FAM193A: variants seen among roughly 807,000 people sequenced by gnomAD.
FAM193A encodes protein FAM193A.
Under a neutral mutation model 126.5 loss-of-function variants are expected in FAM193A, and 22 were observed. The ratio of observed to expected loss-of-function variants is 0.17; its 90% CI spans 0.12 to 0.25. The LOEUF (loss-of-function observed/expected upper bound fraction) is 0.25, where lower values mean the gene tolerates loss of function less well. Ranked by LOEUF, FAM193A falls within the 10% of genes least tolerant of loss-of-function variation. The pLI is 1.00. For synonymous variants in FAM193A, 761 were observed against 646.8 expected, an observed-to-expected ratio of 1.18 and a Z score of -2.68; for missense variants, 1,675 against 1,672.8, an observed-to-expected ratio of 1.00 and a Z score of -0.02.
chr4:2,587,388 C>T (rs1180930124), intron 1 of FAM193A, among the ~76,000 whole-genome samples: 2 of 152,194 alleles, frequency 1.3e-5, no homozygotes, highest in Admixed American at 1.3e-4. Context: ...GACCCATGCA[C>T]TTCCCATTAG....
chr4:2,677,675 A>G (rs35689959), intron 13 of FAM193A, among the ~76,000 whole-genome samples: 14,771 of 150,504 alleles, frequency 0.098, 954 homozygotes, highest in African/African-American at 0.19. Flanking sequence ...CGGGAGGCGG[A>G]GATTGCAGTG....
intron 12 of FAM193A, among the ~76,000 whole-genome samples, chr4:2,670,922 C>T (rs17164080): frequency 0.069 from 10,544 of 152,168 alleles, 634 homozygotes; most frequent in African/African-American, 0.16. Context: ...GCTTCAGTTG[C>T]AGGACCTGTA....
chr4:2,623,146 T>A (rs1458293774), intron 2 of FAM193A, among the ~76,000 whole-genome samples: 1 of 151,736 alleles, frequency 6.6e-6, no homozygotes, highest in Non-Finnish European at 1.5e-5. Context: ...CCCTCCTGTG[T>A]GCTGGCGGCA....
At chr4:2,568,851 GTTCTT>G (rs1389891900) in intron 1 of FAM193A, among the ~76,000 whole-genome samples, 1 of 151,786 alleles carries the variant, frequency 6.6e-6, no homozygotes, top group Admixed American at 6.6e-5. Context: ...TGTTAAGATT[GTTCTT>G]TTCCTTTTCC....
At chr4:2,600,694 C>G (rs543442094) in intron 2 of FAM193A, among the ~76,000 whole-genome samples, 1 of 152,054 alleles carries the variant, frequency 6.6e-6, no homozygotes, top group Non-Finnish European at 1.5e-5. Flanking sequence ...CTTTCCTCTC[C>G]AAGGCCCACC....
At chr4:2,715,337 C>T (rs1352378669) in intron 19 of FAM193A, 2 of 168,644 alleles carry the variant, frequency 1.2e-5, no homozygotes, top group Non-Finnish European at 1.2e-5. Flanking sequence ...GTGGTGTGCA[C>T]GTTTGATCCC....
Position 2,577,422 on chromosome 4 carries a change from G to GTTT in FAM193A, c.256-18650_256-18648dup, listed in dbSNP as rs986931980. ...ACTCAATTAAAGTGGTTTTTTTTTT[G>GTTT]TTTTTTTTTTTTTTGAGACAGAGTC... is the stretch of plus-strand genomic sequence containing the variant. On this transcript the variant is annotated intron_variant, in intron 1 of 20. Coordinates refer to ENST00000637812, the MANE Select transcript of FAM193A (RefSeq NM_001366318.2). Among the ~76,000 whole-genome samples the GTTT allele has an allele frequency of 1.4e-4, 16 of 115,566 alleles. 1 individual carries two copies. The highest frequency in any genetic ancestry group is 5.1e-4 in the East Asian group (2 of 3,892). 75.8% of individuals were successfully genotyped at this position (115,566 alleles called of 152,430 possible).
At position 2,596,368 on chromosome 4, in the gene FAM193A, T is replaced by TC. The variant is rs1439076753; in HGVS notation, c.501+45dup. ...AGCACAGGCAGCGCAGGGCGTTGGC[T>TC]CCCCCCGCCCAGGTTATGGGGTAAC... On this transcript the variant is annotated intron_variant, in intron 2 of 20. Coordinates refer to ENST00000637812, the MANE Select transcript of FAM193A (RefSeq NM_001366318.2). 5.8e-6 allele frequency: 4 copies of TC among 690,542 alleles called. No homozygotes were observed. In the East Asian group the frequency reaches 8.1e-5, roughly 14 times the overall value. The allele number at this position is 690,542 out of a possible 1,614,324, so 42.8% of individuals were successfully genotyped here. A position where few individuals can be genotyped will look rare whatever the true frequency, so the allele number is the denominator to read the frequency against.
At chr4:2,624,116 T>C (rs1560490341) in intron 2 of FAM193A, among the ~76,000 whole-genome samples, 1 of 151,674 alleles carries the variant, frequency 6.6e-6, no homozygotes, top group Non-Finnish European at 1.5e-5. Flanking sequence ...TTGTGTTCTC[T>C]AGTTGTTGTT....
At position 2,539,004 on chromosome 4, in the gene FAM193A, C is replaced by T. The variant is rs1334867519; in HGVS notation, c.255+1834C>T. Among the ~76,000 whole-genome samples, 8 of 152,184 alleles carry T rather than the reference C, an allele frequency of 5.3e-5. No homozygotes were observed. In the East Asian group the frequency reaches 1.5e-3, roughly 29 times the overall value. Reference sequence around the variant, plus strand: ...CTCCCGGGTTCAAGCGATTCTCCTGCCTAACCCTCTCAAGTAGCTGGGACT... The same window carrying T: ...CTCCCGGGTTCAAGCGATTCTCCTGTCTAACCCTCTCAAGTAGCTGGGACT... On this transcript the variant is annotated intron_variant, in intron 1 of 20. Transcript: ENST00000637812.
intron 19 of FAM193A, among the ~76,000 whole-genome samples, chr4:2,705,699 C>G (rs930730128): frequency 6.6e-6 from 1 of 151,984 alleles, no homozygotes; most frequent in African/African-American, 2.4e-5. Flanking sequence ...AAGTGATTCT[C>G]CCGCCTCAGC....
Position 2,582,418 on chromosome 4 carries a change from A to G in FAM193A, c.256-13666A>G, listed in dbSNP as rs1739997314. ...AACAAGTGCTGGGATTACAGGCACGAGCCCCATCGTACTTGGTCAGTGTTT... is the reference window on the plus strand; with the variant it reads ...AACAAGTGCTGGGATTACAGGCACGGGCCCCATCGTACTTGGTCAGTGTTT... On this transcript the variant is annotated intron_variant, in intron 1 of 20. Coordinates refer to ENST00000637812, the MANE Select transcript of FAM193A (RefSeq NM_001366318.2). Among the ~76,000 whole-genome samples, 5 of 152,180 alleles carry G rather than the reference A, an allele frequency of 3.3e-5. No homozygotes were observed. In the South Asian group the frequency reaches 1.0e-3, roughly 32 times the overall value.
intron 19 of FAM193A, among the ~76,000 whole-genome samples, chr4:2,701,778 A>ATT (rs747065399): frequency 3.6e-4 from 52 of 142,772 alleles, no homozygotes; most frequent in African/African-American, 1.0e-3. Context: ...TCATATGGTG[A>ATT]TTTTTTTTTT....
At chr4:2,596,474 C>G (rs942525680) in intron 2 of FAM193A, 145 bp downstream of exon 2, 1 of 607,088 alleles carries the variant, frequency 1.6e-6, no homozygotes, top group Non-Finnish European at 2.9e-6. Flanking sequence ...TCTCCTGGTA[C>G]GTTCCTCCTG....
At chr4:2,551,166 G>A (rs1230838619) in intron 1 of FAM193A, among the ~76,000 whole-genome samples, 1 of 152,108 alleles carries the variant, frequency 6.6e-6, no homozygotes, top group South Asian at 2.1e-4. Flanking sequence ...TTTTCATGAG[G>A]GATGTTTGTC....
intron 4 of FAM193A, 147 bp from the exon 5 acceptor site, chr4:2,630,788 G>T: frequency 1.7e-6 from 1 of 589,730 alleles, no homozygotes; most frequent in Non-Finnish European, 3.0e-6. Context: ...GGGTGATTGT[G>T]CTTCTCACAG....
intron 6 of FAM193A, among the ~76,000 whole-genome samples, chr4:2,643,476 A>G (rs1744840205): frequency 6.6e-6 from 1 of 152,212 alleles, no homozygotes; most frequent in Non-Finnish European, 1.5e-5. Context: ...AACATTAATT[A>G]TATTCATAGT....
chr4:2,639,583 C>CA, intron 5 of FAM193A, 152 bp from the exon 6 acceptor site: 1 of 507,944 alleles, frequency 2.0e-6, no homozygotes, highest in Non-Finnish European at 3.4e-6. Context: ...CAGGGAGCAG[C>CA]ACTTCTCATA....
chr4:2,700,490 G>A lies in FAM193A; in HGVS notation c.4318G>A (p.Gly1440Ser). 1.2e-6 allele frequency: 2 copies of A among 1,613,460 alleles called. No homozygotes were observed. Among genetic ancestry groups the A allele is most frequent in the South Asian group, 2.2e-5 (2 of 90,954 alleles). Residue 1440 changes from glycine (G) to serine (S), a missense_variant, in exon 19 of 21, where the codon GGC becomes AGC. Around this residue, in one of 4 missense-constraint regions of FAM193A, gnomAD observed 415 missense variants for 396.7 expected, o/e 1.05. Coordinates refer to ENST00000637812, the MANE Select transcript of FAM193A (RefSeq NM_001366318.2). ...LVLAESPQPK[G>S]KNKKNKKKKG... Reference sequence around the variant, plus strand: ...GCTGGCAGAGTCCCCTCAGCCAAAGGGCAAGAACAAGAAAAATAAGAAGAA... The same window carrying A: ...GCTGGCAGAGTCCCCTCAGCCAAAGAGCAAGAACAAGAAAAATAAGAAGAA...
Sources: allele counts gnomAD v4.1 joint callset (sites outside exome capture counted in the v4.1 genomes callset), GRCh38; gene constraint gnomAD v4.1.1; regional missense constraint gnomAD v4.1.1; transcripts MANE v1.5; gene names NCBI Gene and HGNC (gene_info 2026-07-23, HGNC 2026-07-21).